Variants in HIVEP2 observed in about 807,000 individuals in gnomAD.
The protein encoded by HIVEP2 is transcription factor HIVEP2.
A neutral mutation model predicts 180.7 loss-of-function variants in HIVEP2; 14 were observed. The observed-to-expected ratio is 0.08, with a 90% CI of 0.05 to 0.12. The LOEUF (loss-of-function observed/expected upper bound fraction) is 0.12. Ranked by LOEUF, HIVEP2 falls within the 10% of genes least tolerant of loss-of-function variation. The pLI is 1.00. For synonymous variants in HIVEP2, 1,184 were observed against 1,136.4 expected (o/e 1.04, Z -0.84); for missense variants, 2,579 against 3,008.5 (o/e 0.86, Z 3.34).
At chr6:142,858,825 C>T (rs1335586091) in intron 1 of HIVEP2, among the ~76,000 whole-genome samples, 1 of 152,140 alleles carries the variant, frequency 6.6e-6, no homozygotes, top group Non-Finnish European at 1.5e-5. Flanking sequence ...AACTCCTGAC[C>T]TCCAGTGATC....
At chr6:142,915,282 G>T (rs1263324801) in intron 1 of HIVEP2, among the ~76,000 whole-genome samples, 2 of 152,144 alleles carry the variant, frequency 1.3e-5, no homozygotes, top group Non-Finnish European at 2.9e-5. Flanking sequence ...TAATTAGTTA[G>T]GATGACATCA....
intron 1 of HIVEP2, among the ~76,000 whole-genome samples, chr6:142,942,953 G>A (rs1778215812): frequency 6.6e-6 from 1 of 152,150 alleles, no homozygotes; most frequent in Non-Finnish European, 1.5e-5. Context: ...ATACATTTCT[G>A]TATATAAGAA....
chr6:142,911,216 G>A (rs1022186182), intron 1 of HIVEP2, among the ~76,000 whole-genome samples: 11 of 150,178 alleles, frequency 7.3e-5, no homozygotes, highest in Admixed American at 6.6e-4. Flanking sequence ...GAGGACAAAC[G>A]TGCTGAGAGG....
intron 2 of HIVEP2, among the ~76,000 whole-genome samples, chr6:142,824,280 A>G (rs554060842): frequency 6.6e-6 from 1 of 152,190 alleles, no homozygotes; most frequent in African/African-American, 2.4e-5. Flanking sequence ...GTCAAGCATG[A>G]CCCATATAAA....
At chr6:142,944,896 T>A (rs1778279904) in intron 1 of HIVEP2, 1 of 152,348 alleles carries the variant, frequency 6.6e-6, no homozygotes, top group East Asian at 1.9e-4. Flanking sequence ...GAACCTTCCA[T>A]CGAGACAGTC....
chr6:142,854,604 G>A (rs548568889), intron 1 of HIVEP2, among the ~76,000 whole-genome samples: 6 of 152,224 alleles, frequency 3.9e-5, no homozygotes, highest in South Asian at 4.1e-4. Flanking sequence ...CAAGACAGCC[G>A]AACTTTAGGA....
chr6:142,775,945 GTAT>G (rs1462681007), intron 4 of HIVEP2, among the ~76,000 whole-genome samples, 199 bp downstream of exon 4: 4 of 151,056 alleles, frequency 2.6e-5, no homozygotes, highest in Admixed American at 6.6e-5. Flanking sequence ...AATTCATAAA[GTAT>G]TATATATTAC....
At chr6:142,793,673 T>TTCTCTCTCTCTCTCTCTCTC (rs71546219) in intron 2 of HIVEP2, among the ~76,000 whole-genome samples, 32 of 107,498 alleles carry the variant, frequency 3.0e-4, no homozygotes, top group African/African-American at 1.0e-3. Flanking sequence ...CTTTCTTTCT[T>TTCTCTCTCTCTCTCTCTCTC]TCTCTCTCTC....
intron 9 of HIVEP2, among the ~76,000 whole-genome samples, chr6:142,756,522 G>A (rs1223019612): frequency 5.3e-5 from 8 of 152,194 alleles, no homozygotes; most frequent in Admixed American, 1.3e-4. Flanking sequence ...TAAGTGACTC[G>A]CCCAAGATCA....
chr6:142,796,163 C>T (rs547015032), intron 2 of HIVEP2, among the ~76,000 whole-genome samples: 1 of 152,114 alleles, frequency 6.6e-6, no homozygotes, highest in South Asian at 2.1e-4. Flanking sequence ...TGTCTAGGCC[C>T]TAACTAAAAC....
At chr6:142,917,598 A>G (rs927353315) in intron 1 of HIVEP2, among the ~76,000 whole-genome samples, 4 of 152,196 alleles carry the variant, frequency 2.6e-5, no homozygotes, top group African/African-American at 9.7e-5. Flanking sequence ...CTTATAAACA[A>G]CTTCCAATCA....
chr6:142,837,655 A>G lies in HIVEP2; in HGVS notation c.-640-608T>C, dbSNP rs145326254. Among the ~76,000 whole-genome samples, 834 of 152,234 alleles carry G rather than the reference A, an allele frequency of 5.5e-3. 5 individuals are homozygous for G. The highest frequency in any genetic ancestry group is 0.019 in the African/African-American group (798 of 41,554). ...AGGACTCACAAATAGCTTAATTATT[A>G]TTTATAAATAATATTGGTTTATTCC... On this transcript the variant is annotated intron_variant, in intron 1 of 9. Coordinates refer to ENST00000367603, the MANE Select transcript of HIVEP2 (RefSeq NM_006734.4).
At position 142,943,817 on chromosome 6, in the gene HIVEP2, G is replaced by T. The variant is rs768793609; in HGVS notation, c.-641+1282C>A. ...ATGTCAGTTGCACACACAACTTCCT[G>T]TGTGAATGCTAAGCCATTACAGGTG... On this transcript the variant is annotated intron_variant, in intron 1 of 9. Coordinates refer to ENST00000367603, the MANE Select transcript of HIVEP2 (RefSeq NM_006734.4). The surrounding 1 kb of genome is among the most constrained non-coding windows in gnomAD (Gnocchi z 4.5). 6.6e-6 allele frequency among the ~76,000 whole-genome samples: 1 copy of T among 152,188 alleles called. No individual in the cohort carries two copies. Among genetic ancestry groups the T allele is most frequent in the Non-Finnish European group, 1.5e-5 (1 of 68,030 alleles).
intron 1 of HIVEP2, among the ~76,000 whole-genome samples, chr6:142,882,181 T>C (rs1776588034): frequency 6.6e-6 from 1 of 152,252 alleles, no homozygotes; most frequent in African/African-American, 2.4e-5. Context: ...CCCATCCATT[T>C]ATTAGGCCTT....
At chr6:142,918,058 C>T (rs975657619) in intron 1 of HIVEP2, among the ~76,000 whole-genome samples, 1 of 152,118 alleles carries the variant, frequency 6.6e-6, no homozygotes, top group Admixed American at 6.5e-5. Context: ...TAGACGTGAG[C>T]CATCATGCCC....
chr6:142,774,375 G>T lies in HIVEP2; in HGVS notation c.364C>A (p.Pro122Thr). Residue 122 changes from proline (P) to threonine (T), a missense_variant, in exon 5 of 10, where the codon CCT (proline) becomes ACT (threonine). Physicochemically the swap from Pro to Thr is conservative, Grantham distance 38. This residue lies in a region of HIVEP2 where 207 missense variants were observed against 210.1 expected (regional missense o/e 0.99). Coordinates refer to ENST00000367603, the MANE Select transcript of HIVEP2 (RefSeq NM_006734.4). This position sits in a 1 kb window ranked among gnomAD's most constrained non-coding sequence, Gnocchi z 5.1. ...AAAGGGCCAGGGAAAAGCCACGGAG[G>T]ACCTTCGAGGCTCTGATGTGGCTTG... ...STKPHQSLEG[P>T]PWLFPGPLPS... 1 of 1,614,186 alleles carries T rather than the reference G, an allele frequency of 6.2e-7. No homozygotes were observed. The highest frequency in any genetic ancestry group is 8.5e-7 in the Non-Finnish European group (1 of 1,180,036).
chr6:142,859,817 A>T (rs572539125), intron 1 of HIVEP2, among the ~76,000 whole-genome samples: 1 of 144,304 alleles, frequency 6.9e-6, no homozygotes, highest in Non-Finnish European at 1.5e-5. Context: ...CTGGGCAATA[A>T]GAGTGAAACT....
In HIVEP2 at chr6:142,764,779, CA is replaced by C. The variant is rs747358218; in HGVS notation, c.5518+19del. 3 of 1,597,984 alleles carry C rather than the reference CA, an allele frequency of 1.9e-6. No individual in the cohort carries two copies. The highest frequency in any genetic ancestry group is 1.7e-5 in the Admixed American group (1 of 58,004). On this transcript the variant is annotated intron_variant, in intron 7 of 9. Coordinates refer to ENST00000367603, the MANE Select transcript of HIVEP2 (RefSeq NM_006734.4). ...AGCCATAGAGAAGTATTTTTCCTCT[CA>C]AAAAAATCAGACTTGTACCTTTCGT... is the stretch of plus-strand genomic sequence containing the variant.
intron 1 of HIVEP2, among the ~76,000 whole-genome samples, chr6:142,938,548 GTATT>G (rs1171041037): frequency 2.0e-5 from 3 of 152,208 alleles, no homozygotes; most frequent in Admixed American, 6.5e-5. Flanking sequence ...AATTCACGCT[GTATT>G]TAAGTAGCAA....
Sources: allele counts gnomAD v4.1 joint callset (sites outside exome capture counted in the v4.1 genomes callset), GRCh38; gene constraint gnomAD v4.1.1; regional missense constraint gnomAD v4.1.1; non-coding constraint Gnocchi (gnomAD v3.1); transcripts MANE v1.5; gene names NCBI Gene and HGNC (gene_info 2026-07-23, HGNC 2026-07-21).